The following SORCS1 variants were observed in gnomAD, a reference collection of about 807,000 sequenced individuals.
The protein encoded by SORCS1 is VPS10 domain-containing receptor SorCS1.
In SORCS1, 60 loss-of-function variants were observed where a neutral mutation model predicts 146.1. That is an observed-to-expected ratio of 0.41 (90% CI 0.33 to 0.51). SORCS1 has a LOEUF of 0.51. Ranked by LOEUF, SORCS1 falls within the 20% of genes least tolerant of loss-of-function variation. The pLI is 0.21. For missense variants in SORCS1, 1,352 were observed against 1,487.6 expected, an observed-to-expected ratio of 0.91 and a Z score of 1.50; for synonymous variants, 637 against 584.0, an observed-to-expected ratio of 1.09 and a Z score of -1.31.
intron 2 of SORCS1, among the ~76,000 whole-genome samples, chr10:106,904,097 A>C (rs918229996): frequency 6.6e-6 from 1 of 152,244 alleles, no homozygotes; most frequent in Non-Finnish European, 1.5e-5. Flanking sequence ...TACTGAAATC[A>C]TAGATATAAT....
At chr10:106,819,068 G>C (rs1193960236) in intron 3 of SORCS1, among the ~76,000 whole-genome samples, 2 of 152,202 alleles carry the variant, frequency 1.3e-5, no homozygotes, top group African/African-American at 2.4e-5. Context: ...CCTTCTGGTT[G>C]AGTTGACAAA....
chr10:106,768,759 T>C (rs1158779315), intron 4 of SORCS1, among the ~76,000 whole-genome samples: 1 of 152,228 alleles, frequency 6.6e-6, no homozygotes, highest in Non-Finnish European at 1.5e-5. Flanking sequence ...ACATGCTTTG[T>C]CTAATTCCAG....
chr10:106,787,809 T>C (rs1016369631), intron 3 of SORCS1, among the ~76,000 whole-genome samples: 6 of 152,190 alleles, frequency 3.9e-5, no homozygotes, highest in Admixed American at 2.0e-4. Context: ...GGGGCTACCA[T>C]GAAGTCCAAT....
intron 6 of SORCS1, among the ~76,000 whole-genome samples, chr10:106,717,343 A>T (rs1459390745): frequency 5.9e-5 from 9 of 152,248 alleles, no homozygotes; most frequent in African/African-American, 1.9e-4. Flanking sequence ...TCCTATCAGG[A>T]TTCTAGTGCC....
At chr10:106,582,898 G>C (rs1243562561) in intron 24 of SORCS1, among the ~76,000 whole-genome samples, 1 of 152,198 alleles carries the variant, frequency 6.6e-6, no homozygotes, top group Non-Finnish European at 1.5e-5. Context: ...CAATCTTCTT[G>C]TGAAAAGTGA....
intron 4 of SORCS1, among the ~76,000 whole-genome samples, chr10:106,773,252 C>T (rs1028944515): frequency 1.3e-5 from 2 of 152,174 alleles, no homozygotes; most frequent in Non-Finnish European, 2.9e-5. Context: ...TTCCTGTTTC[C>T]TAGGCAAGGG....
chr10:106,789,974 A>G (rs962966832), intron 3 of SORCS1, among the ~76,000 whole-genome samples: 1 of 152,240 alleles, frequency 6.6e-6, no homozygotes, highest in African/African-American at 2.4e-5. Context: ...AGGAACTACC[A>G]AACACAAAAC....
the SORCS1 span, among the ~76,000 whole-genome samples, chr10:107,177,298 A>G: frequency 2.0e-5 from 3 of 152,078 alleles, no homozygotes; most frequent in African/African-American, 7.2e-5. Context: ...AGATAACTGT[A>G]GATTCACAGT....
At chr10:107,123,939 G>C (rs1375032201) in intron 1 of SORCS1, among the ~76,000 whole-genome samples, 3 of 148,710 alleles carry the variant, frequency 2.0e-5, no homozygotes, top group African/African-American at 5.0e-5. Flanking sequence ...AAAAAAAAAT[G>C]AGCTGGGCGT....
At chr10:106,981,655 T>C (rs1224926492) in intron 1 of SORCS1, among the ~76,000 whole-genome samples, 4 of 152,214 alleles carry the variant, frequency 2.6e-5, no homozygotes, top group Admixed American at 2.6e-4. Context: ...GCATTTTTCA[T>C]CTTTGAGGAT....
In SORCS1 at chr10:106,996,234, A is replaced by C. The variant is rs202038239; in HGVS notation, c.559-39654T>G. Reference sequence around the variant, plus strand: ...AGAGCGAGACTCCATCTAAAAAAAAAAAAAAAAAAAAAAAATAGAATGTAG... The same window carrying C: ...AGAGCGAGACTCCATCTAAAAAAAACAAAAAAAAAAAAAAATAGAATGTAG... On this transcript the variant is annotated intron_variant, in intron 1 of 25. Coordinates refer to ENST00000263054, the MANE Select transcript of SORCS1 (RefSeq NM_052918.5). 2.4e-4 allele frequency among the ~76,000 whole-genome samples: 12 copies of C among 49,034 alleles called. No homozygotes were observed. In the East Asian group the frequency reaches 5.2e-3, roughly 21 times the overall value. The allele number at this position is 49,034 out of a possible 152,430, so 32.2% of individuals were successfully genotyped here. A position where few individuals can be genotyped will look rare whatever the true frequency, so the allele number is the denominator to read the frequency against.
intron 1 of SORCS1, among the ~76,000 whole-genome samples, chr10:107,121,167 C>G (rs1449934491): frequency 6.6e-6 from 1 of 152,138 alleles, no homozygotes; most frequent in Non-Finnish European, 1.5e-5. Context: ...TTATAAACTG[C>G]GGACAGTACC....
At chr10:106,661,709 A>G (rs1292090868) in intron 17 of SORCS1, among the ~76,000 whole-genome samples, 1 of 152,254 alleles carries the variant, frequency 6.6e-6, no homozygotes, top group East Asian at 1.9e-4. Context: ...GGTCAAGGAA[A>G]CAAAGTCACT....
intron 10 of SORCS1, among the ~76,000 whole-genome samples, chr10:106,683,674 A>T (rs1193386888): frequency 6.6e-6 from 1 of 152,202 alleles, no homozygotes; most frequent in East Asian, 1.9e-4. Flanking sequence ...TGCTATCTTC[A>T]TGGTACCTTT....
chr10:106,726,883 G>A (rs1220701422), intron 6 of SORCS1, among the ~76,000 whole-genome samples: 1 of 152,020 alleles, frequency 6.6e-6, no homozygotes, highest in Non-Finnish European at 1.5e-5. Flanking sequence ...TGAGGAGATC[G>A]AGACCATCCT....
At chr10:107,080,065 A>G (rs2134233803) in intron 1 of SORCS1, among the ~76,000 whole-genome samples, 1 of 152,360 alleles carries the variant, frequency 6.6e-6, no homozygotes, top group East Asian at 1.9e-4. Flanking sequence ...CACTCTGGTC[A>G]TAAAGCCCAT....
At chr10:106,699,181 G>T in intron 9 of SORCS1, 33 bp downstream of exon 9, 1 of 1,559,510 alleles carries the variant, frequency 6.4e-7, no homozygotes, top group Non-Finnish European at 8.7e-7. Context: ...GGGCACTGCT[G>T]TGGCTTAGGA....
chr10:106,900,010 T>C (rs2138052115), intron 2 of SORCS1, among the ~76,000 whole-genome samples: 1 of 152,222 alleles, frequency 6.6e-6, no homozygotes, highest in East Asian at 1.9e-4. Context: ...CTTCCTTCTC[T>C]GCAAGGCTAT....
At position 106,690,686 on chromosome 10, in the gene SORCS1, G is replaced by T. The variant is rs374094768; in HGVS notation, c.1414-2348C>A. Among the ~76,000 whole-genome samples, 10 of 152,332 alleles carry T rather than the reference G, an allele frequency of 6.6e-5. No homozygotes were observed. In the East Asian group the frequency reaches 1.7e-3, roughly 26 times the overall value. The stretch of plus-strand genomic sequence containing the variant: ...TATCGACAGGGGATAGAGCTGGAGA[G>T]GGTCTGCTTATTGCTTATTTTCCTC... On this transcript the variant is annotated intron_variant, in intron 9 of 25. Coordinates refer to ENST00000263054, the MANE Select transcript of SORCS1 (RefSeq NM_052918.5).
Sources: allele counts gnomAD v4.1 joint callset (sites outside exome capture counted in the v4.1 genomes callset), GRCh38; gene constraint gnomAD v4.1.1; transcripts MANE v1.5; gene names NCBI Gene and HGNC (gene_info 2026-07-23, HGNC 2026-07-21).